ANKS1B: variants seen among roughly 807,000 people sequenced by gnomAD.
ANKS1B encodes the protein ankyrin repeat and sterile alpha motif domain containing 1B.
A neutral mutation model predicts 148.3 loss-of-function variants in ANKS1B; 36 were observed. That is an observed-to-expected ratio of 0.24 (90% CI 0.19 to 0.32). ANKS1B has a LOEUF of 0.32. ANKS1B is among the 10% of genes least tolerant of loss of function. ANKS1B has a pLI of 1.00. For missense variants in ANKS1B, 1,157 were observed against 1,542.6 expected, an observed-to-expected ratio of 0.75 and a Z score of 4.19; for synonymous variants, 542 against 560.8, an observed-to-expected ratio of 0.97 and a Z score of 0.47.
intron 14 of ANKS1B, among the ~76,000 whole-genome samples, chr12:99,208,024 TCTC>T (rs1306316083): frequency 6.6e-6 from 1 of 152,108 alleles, no homozygotes; most frequent in African/African-American, 2.4e-5. Flanking sequence ...TAGAATTTGA[TCTC>T]CTGTGTTAAA....
chr12:99,488,444 T>G (rs1487957552), intron 10 of ANKS1B, among the ~76,000 whole-genome samples: 2 of 152,174 alleles, frequency 1.3e-5, no homozygotes, highest in Non-Finnish European at 2.9e-5. Context: ...GAAGATATAT[T>G]TTCCTAATTT....
At chr12:99,039,265 T>C (rs1348819070) in intron 17 of ANKS1B, among the ~76,000 whole-genome samples, 1 of 152,196 alleles carries the variant, frequency 6.6e-6, no homozygotes, top group African/African-American at 2.4e-5. Flanking sequence ...GGCAATGAGA[T>C]GGTGTGTGCA....
intron 9 of ANKS1B, among the ~76,000 whole-genome samples, chr12:99,654,120 T>C (rs1308276022): frequency 1.3e-5 from 2 of 152,210 alleles, no homozygotes; most frequent in Non-Finnish European, 2.9e-5. Context: ...GAAGAGATTT[T>C]TTAAGTACTA....
chr12:99,567,088 C>T (rs1022853250), intron 9 of ANKS1B, among the ~76,000 whole-genome samples: 2 of 152,144 alleles, frequency 1.3e-5, no homozygotes, highest in African/African-American at 4.8e-5. Context: ...AAGGTATTGG[C>T]TGGACTATGG....
chr12:99,959,110 C>T (rs1417068843), intron 1 of ANKS1B, among the ~76,000 whole-genome samples: 1 of 145,212 alleles, frequency 6.9e-6, no homozygotes, highest in African/African-American at 2.6e-5. Context: ...GGCTAGAGTG[C>T]AGTGGCATGG....
rs147735627 is a variant in ANKS1B at position 99,892,193 on chromosome 12, C to T, written c.135-66804G>A. Among the ~76,000 whole-genome samples, 620 of 151,996 alleles carry T rather than the reference C, an allele frequency of 4.1e-3. 4 individuals are homozygous for T. The highest frequency in any genetic ancestry group is 0.014 in the African/African-American group (578 of 41,426). On this transcript the variant is annotated intron_variant, in intron 1 of 26. Transcript: ENST00000683438. Reference sequence around the variant, plus strand: ...TAATTTTTTGTATTTTTAGTAGAGACGGGGTTTCACCGTGTTAGCCAGGAT... The same window carrying T: ...TAATTTTTTGTATTTTTAGTAGAGATGGGGTTTCACCGTGTTAGCCAGGAT...
chr12:99,959,364 A>C (rs1395793853), intron 1 of ANKS1B, among the ~76,000 whole-genome samples: 3 of 150,928 alleles, frequency 2.0e-5, no homozygotes, highest in African/African-American at 7.3e-5. Flanking sequence ...GGCGTGAGCC[A>C]CCATGCCTGG....
At chr12:98,953,124 G>C (rs773722239) in intron 17 of ANKS1B, among the ~76,000 whole-genome samples, 1 of 151,810 alleles carries the variant, frequency 6.6e-6, no homozygotes, top group Non-Finnish European at 1.5e-5. Flanking sequence ...GAGTTCAAAC[G>C]ATTCTCCTGC....
At chr12:99,202,885 T>C (rs2082229936) in intron 14 of ANKS1B, among the ~76,000 whole-genome samples, 1 of 152,182 alleles carries the variant, frequency 6.6e-6, no homozygotes, top group African/African-American at 2.4e-5. Flanking sequence ...ATTCCTGTAG[T>C]CTCAGGCTTC....
At chr12:99,700,647 C>G (rs1280136131) in intron 8 of ANKS1B, among the ~76,000 whole-genome samples, 7 of 152,240 alleles carry the variant, frequency 4.6e-5, no homozygotes, top group Admixed American at 4.6e-4. Context: ...TTTACAGCTT[C>G]TCCTTAGCAT....
At chr12:99,594,386 T>C (rs2097735697) in intron 9 of ANKS1B, among the ~76,000 whole-genome samples, 1 of 152,030 alleles carries the variant, frequency 6.6e-6, no homozygotes, top group Non-Finnish European at 1.5e-5. Context: ...AAAATCAGGG[T>C]CCTGGAGGCA....
intron 9 of ANKS1B, among the ~76,000 whole-genome samples, chr12:99,607,084 CAAG>C (rs1325122709): frequency 7.9e-5 from 12 of 152,128 alleles, no homozygotes; most frequent in African/African-American, 2.7e-4. Context: ...CCAGGATGGC[CAAG>C]AAGCAGAGTT....
chr12:99,170,119 A>C (rs980987011), intron 14 of ANKS1B, among the ~76,000 whole-genome samples: 1 of 152,206 alleles, frequency 6.6e-6, no homozygotes, highest in Non-Finnish European at 1.5e-5. Context: ...GAGAATAGTA[A>C]AGCCCATCAC....
At chr12:99,405,785 C>T (rs548685459) in intron 11 of ANKS1B, among the ~76,000 whole-genome samples, 1 of 144,190 alleles carries the variant, frequency 6.9e-6, no homozygotes, top group South Asian at 2.1e-4. Flanking sequence ...AATCTATTGC[C>T]TGCAAGAAAT....
At chr12:99,390,699 G>C (rs1288867718) in intron 12 of ANKS1B, among the ~76,000 whole-genome samples, 1 of 152,176 alleles carries the variant, frequency 6.6e-6, no homozygotes, top group African/African-American at 2.4e-5. Context: ...CTGTGGTAAG[G>C]ACTAGCAAGA....
downstream of ANKS1B, among the ~76,000 whole-genome samples, chr12:98,742,091 CT>C (rs1371600917): frequency 2.6e-5 from 4 of 152,250 alleles, no homozygotes; most frequent in Non-Finnish European, 5.9e-5. Context: ...TTCAAGATGT[CT>C]TAAATAGCAG....
At chr12:99,834,476 T>C (rs2084512925) in intron 1 of ANKS1B, among the ~76,000 whole-genome samples, 1 of 152,194 alleles carries the variant, frequency 6.6e-6, no homozygotes. Context: ...TCCTTTGTTA[T>C]ATTATTTGCA....
intron 14 of ANKS1B, among the ~76,000 whole-genome samples, chr12:99,159,145 C>T (rs1158630460): frequency 6.6e-6 from 1 of 152,076 alleles, no homozygotes; most frequent in East Asian, 1.9e-4. Context: ...AGTGGCTCAA[C>T]GATTTTGCTT....
chr12:98,739,030 A>G (rs567998551), downstream of ANKS1B, among the ~76,000 whole-genome samples: 1 of 152,292 alleles, frequency 6.6e-6, no homozygotes, highest in South Asian at 2.1e-4. Context: ...ATTTAACTGA[A>G]TCATAACAGT....
Sources: gnomAD v4.1 joint callset for allele counts (sites outside exome capture counted in the v4.1 genomes callset) on GRCh38, gnomAD v4.1.1 for gene constraint, MANE v1.5 for transcripts, NCBI Gene and HGNC (gene_info 2026-07-23, HGNC 2026-07-21) for gene names.